MCPH1: variants seen among roughly 807,000 people sequenced by gnomAD.
MCPH1 encodes microcephalin.
A neutral mutation model predicts 84.5 loss-of-function variants in MCPH1; 104 were observed. The ratio of observed to expected loss-of-function variants is 1.23; its 90% CI spans 1.05 to 1.45. The LOEUF (loss-of-function observed/expected upper bound fraction) is 1.45, where lower values mean the gene tolerates loss of function less well. MCPH1 is among the 40% of genes most tolerant of loss of function. The pLI, the probability that MCPH1 is intolerant of heterozygous loss-of-function variation, is 0.00. For missense variants in MCPH1, 1,498 were observed against 1,005.7 expected, an observed-to-expected ratio of 1.49 and a Z score of -6.62; for synonymous variants, 514 against 366.8, an observed-to-expected ratio of 1.40 and a Z score of -4.58.
intron 12 of MCPH1, chr8:6,615,650 A>G (rs1025398447): frequency 2.0e-5 from 3 of 152,224 alleles, no homozygotes; most frequent in Non-Finnish European, 2.9e-5. Flanking sequence ...TGTACACAGT[A>G]CAGTTGACTT....
At chr8:6,492,623 T>C (rs1810752542) in intron 11 of MCPH1, among the ~76,000 whole-genome samples, 1 of 149,198 alleles carries the variant, frequency 6.7e-6, no homozygotes, top group South Asian at 2.1e-4. Flanking sequence ...TATTCATCAT[T>C]AATAACAATT....
intron 12 of MCPH1, among the ~76,000 whole-genome samples, chr8:6,552,765 A>G (rs555565682): frequency 6.6e-6 from 1 of 152,110 alleles, no homozygotes; most frequent in East Asian, 1.9e-4. Context: ...TGTTTCGGCC[A>G]GTTAATTAAG....
intron 9 of MCPH1, among the ~76,000 whole-genome samples, chr8:6,470,328 G>T (rs755966240): frequency 6.6e-6 from 1 of 151,940 alleles, no homozygotes; most frequent in Admixed American, 6.5e-5. Flanking sequence ...CTGTCACCCA[G>T]GCTGGAGTGC....
intron 3 of MCPH1, among the ~76,000 whole-genome samples, chr8:6,419,421 A>G (rs1169292962): frequency 6.6e-6 from 1 of 151,056 alleles, no homozygotes; most frequent in African/African-American, 2.4e-5. Context: ...TCTTTTTGAG[A>G]TGGAGTCTTG....
chr8:6,627,523 C>T (rs1337427339), intron 13 of MCPH1, among the ~76,000 whole-genome samples: 1 of 152,192 alleles, frequency 6.6e-6, no homozygotes, highest in Non-Finnish European at 1.5e-5. Flanking sequence ...ACGAAATCTA[C>T]CAGCATATAA....
intron 3 of MCPH1, among the ~76,000 whole-genome samples, chr8:6,418,383 A>T: frequency 1.3e-5 from 2 of 152,132 alleles, no homozygotes; most frequent in South Asian, 4.1e-4. Context: ...AAGCTCTCAC[A>T]TAGTTGGTTT....
At chr8:6,427,043 G>A (rs1291490790) in intron 3 of MCPH1, among the ~76,000 whole-genome samples, 1 of 152,238 alleles carries the variant, frequency 6.6e-6, no homozygotes, top group Non-Finnish European at 1.5e-5. Flanking sequence ...CCTAGGCTCT[G>A]TGGCACAACC....
At chr8:6,445,727 C>G (rs1804255454) in intron 8 of MCPH1, 180 bp downstream of exon 8, 3 of 1,401,964 alleles carry the variant, frequency 2.1e-6, no homozygotes, top group Non-Finnish European at 2.8e-6. Flanking sequence ...GACTTGCTGT[C>G]TTGTGGAACT....
At chr8:6,542,482 G>C (rs778313417) in intron 12 of MCPH1, among the ~76,000 whole-genome samples, 1 of 152,036 alleles carries the variant, frequency 6.6e-6, no homozygotes, top group Admixed American at 6.6e-5. Flanking sequence ...CACTGTAAGA[G>C]GGACGCTAGC....
At chr8:6,536,855 A>G (rs1355387166) in intron 12 of MCPH1, among the ~76,000 whole-genome samples, 1 of 151,824 alleles carries the variant, frequency 6.6e-6, no homozygotes, top group Non-Finnish European at 1.5e-5. Context: ...TTGTCCTAGA[A>G]TGTCTTTCTG....
chr8:6,520,404 T>C (rs919389380), intron 12 of MCPH1, among the ~76,000 whole-genome samples: 16 of 152,270 alleles, frequency 1.1e-4, no homozygotes, highest in Admixed American at 8.5e-4. Flanking sequence ...CATGACCCCA[T>C]TGCCTGCCCC....
At chr8:6,555,852 A>G (rs1824521475) in intron 12 of MCPH1, among the ~76,000 whole-genome samples, 2 of 152,306 alleles carry the variant, frequency 1.3e-5, no homozygotes, top group African/African-American at 4.8e-5. Context: ...GGAATTTCTT[A>G]TCGTTCCTTT....
At chr8:6,600,738 T>C (rs1364586103) in intron 12 of MCPH1, among the ~76,000 whole-genome samples, 1 of 152,114 alleles carries the variant, frequency 6.6e-6, no homozygotes, top group African/African-American at 2.4e-5. Context: ...TCTGTGAGGG[T>C]TGTGGCAATG....
intron 12 of MCPH1, among the ~76,000 whole-genome samples, chr8:6,555,356 C>T (rs1179247271): frequency 6.6e-6 from 1 of 152,192 alleles, no homozygotes; most frequent in Non-Finnish European, 1.5e-5. Context: ...GCGTTTCCCC[C>T]TGTCAACTTC....
intron 12 of MCPH1, among the ~76,000 whole-genome samples, chr8:6,506,778 C>CT (rs552063597): frequency 0.01 from 1,315 of 127,974 alleles, 14 homozygotes; most frequent in South Asian, 0.06. Flanking sequence ...CAGAGGATTG[C>CT]TTTTTTTTTT....
chr8:6,645,873 G>A lies in MCPH1; in HGVS notation c.*2824G>A, dbSNP rs1298735668. 4 of 152,108 alleles carry A rather than the reference G, an allele frequency of 2.6e-5. No individual in the cohort carries two copies. Among genetic ancestry groups the A allele is most frequent in the Non-Finnish European group, 4.4e-5 (3 of 68,014 alleles). The allele number at this position is 152,108 out of a possible 1,614,324, so 9.4% of individuals were successfully genotyped here. The stretch of plus-strand genomic sequence containing the variant: ...TAAAACATTGCTGAAAGAAGTTAAA[G>A]ACTTCTTTAAATAGAGACATATACA... On this transcript the variant is annotated 3_prime_UTR_variant, in exon 14 of 14. Transcript: ENST00000344683.
intron 13 of MCPH1, chr8:6,625,341 A>AT: frequency 1.0e-6 from 1 of 985,370 alleles, no homozygotes; most frequent in Non-Finnish European, 1.2e-6. Context: ...GTATCCATGG[A>AT]TGTGTCCTCA....
chr8:6,597,253 T>A (rs1828999164), intron 12 of MCPH1, among the ~76,000 whole-genome samples: 2 of 152,122 alleles, frequency 1.3e-5, no homozygotes, highest in African/African-American at 2.4e-5. Flanking sequence ...GGACGCCGTC[T>A]TTACCATCAT....
At chr8:6,496,177 G>A (rs550255934) in intron 11 of MCPH1, among the ~76,000 whole-genome samples, 4 of 152,076 alleles carry the variant, frequency 2.6e-5, no homozygotes, top group African/African-American at 7.2e-5. Flanking sequence ...CAGTCCCATC[G>A]GGGGGTGACG....
Sources: gnomAD v4.1 joint callset for allele counts (sites outside exome capture counted in the v4.1 genomes callset) on GRCh38, gnomAD v4.1.1 for gene constraint, MANE v1.5 for transcripts, NCBI Gene and HGNC (gene_info 2026-07-23, HGNC 2026-07-21) for gene names.